The following RBFOX1 variants were observed in gnomAD, a reference collection of about 807,000 sequenced individuals.
The protein encoded by RBFOX1 is RNA binding protein fox-1 homolog 1.
A neutral mutation model predicts 57.7 loss-of-function variants in RBFOX1; 8 were observed. The ratio of observed to expected loss-of-function variants is 0.14; its 90% confidence interval spans 0.08 to 0.25. RBFOX1 has a LOEUF of 0.25. Ranked by LOEUF, RBFOX1 falls within the 10% of genes least tolerant of loss-of-function variation. The pLI is 1.00. For synonymous variants in RBFOX1, 326 were observed against 222.4 expected, an observed-to-expected ratio of 1.47 and a Z score of -4.15; for missense variants, 611 against 548.5, an observed-to-expected ratio of 1.11 and a Z score of -1.14.
intron 1 of RBFOX1, among the ~76,000 whole-genome samples, chr16:5,442,298 A>G (rs1014892014): frequency 6.6e-6 from 1 of 152,230 alleles, no homozygotes; most frequent in Non-Finnish European, 1.5e-5. Context: ...GCAGCAGCCC[A>G]TTCATGCGGA....
chr16:5,413,060 G>C (rs535528698), intron 1 of RBFOX1, among the ~76,000 whole-genome samples: 39 of 152,288 alleles, frequency 2.6e-4, no homozygotes, highest in African/African-American at 8.7e-4. Context: ...TGCCCTAGGG[G>C]GTGTGCAGAA....
intron 2 of RBFOX1, among the ~76,000 whole-genome samples, chr16:6,595,623 G>T (rs2097769659): frequency 6.6e-6 from 1 of 152,118 alleles, no homozygotes; most frequent in Admixed American, 6.5e-5. Context: ...AACATTTTGA[G>T]GAACTTCCAA....
At chr16:7,218,627 GC>G (rs1567756714) in intron 4 of RBFOX1, among the ~76,000 whole-genome samples, 1 of 79,224 alleles carries the variant, frequency 1.3e-5, no homozygotes, top group Admixed American at 1.6e-4. Flanking sequence ...GTGGGGGTTT[GC>G]TGTGTGTGTG....
At chr16:6,671,302 A>C (rs993180849) in intron 3 of RBFOX1, among the ~76,000 whole-genome samples, 1 of 152,196 alleles carries the variant, frequency 6.6e-6, no homozygotes, top group Non-Finnish European at 1.5e-5. Flanking sequence ...ATTAAAAATG[A>C]TGAATACACT....
At chr16:7,557,625 AAAAAAAAAAAAAAAAAAG>A (rs1302743274) in intron 5 of RBFOX1, among the ~76,000 whole-genome samples, 1 of 116,602 alleles carries the variant, frequency 8.6e-6, no homozygotes, top group African/African-American at 3.1e-5. Flanking sequence ...GTCTCAAAAA[AAAAAAAAAAAAAAAAAAG>A]AAAAAGAAAA....
rs893116808 is a variant in RBFOX1 at position 7,643,187 on chromosome 16, T to C, written c.758-10628T>C. Among the ~76,000 whole-genome samples, 13 of 152,324 alleles carry C rather than the reference T, an allele frequency of 8.5e-5. No homozygotes were observed. The East Asian group carries it at 2.1e-3, about 25-fold the overall frequency. ...AAGGACCTTACATGATCAAAGAATA[T>C]TCATGTGTGTGAATGGTGTGTGTGT... On this transcript the variant is annotated intron_variant, in intron 11 of 15. Coordinates refer to ENST00000550418, the MANE Select transcript of RBFOX1 (RefSeq NM_018723.4).
chr16:6,315,369 G>GATGGATGC (rs1383428324), intron 1 of RBFOX1, among the ~76,000 whole-genome samples: 1 of 151,746 alleles, frequency 6.6e-6, no homozygotes, highest in African/African-American at 2.4e-5. Context: ...TGGGTGGATG[G>GATGGATGC]ATGGATGGAT....
At chr16:6,678,195 T>C (rs1195382990) in intron 3 of RBFOX1, among the ~76,000 whole-genome samples, 1 of 152,210 alleles carries the variant, frequency 6.6e-6, no homozygotes, top group Non-Finnish European at 1.5e-5. Flanking sequence ...ACAATCTCGG[T>C]TCACTGCAGC....
intron 1 of RBFOX1, among the ~76,000 whole-genome samples, chr16:6,082,489 A>G (rs989774688): frequency 2.0e-5 from 3 of 148,840 alleles, no homozygotes; most frequent in Non-Finnish European, 4.4e-5. Context: ...TTTAGGCACT[A>G]TGCTTTTATT....
At chr16:5,845,346 G>C (rs1012216306) in intron 3 of RBFOX1, among the ~76,000 whole-genome samples, 2 of 152,164 alleles carry the variant, frequency 1.3e-5, no homozygotes, top group Non-Finnish European at 2.9e-5. Context: ...TTCCTCTCCA[G>C]CCTGTCTTGA....
rs532286000 is a variant in RBFOX1 at position 7,148,528 on chromosome 16, C to A, written c.27+96430C>A. ...CTGTATACATTTAACATATTAAGGC[C>A]GCAGTGCCGAGTTCCCTGAACAGAC... is the stretch of plus-strand genomic sequence containing the variant. On this transcript the variant is annotated intron_variant, in intron 4 of 15. Transcript: ENST00000550418. Among the ~76,000 whole-genome samples the A allele has an allele frequency of 1.2e-4, 18 of 152,318 alleles. 1 individual carries two copies. In the South Asian group the frequency reaches 3.7e-3, roughly 32 times the overall value.
intron 3 of RBFOX1, among the ~76,000 whole-genome samples, chr16:6,734,887 A>G (rs914745640): frequency 1.3e-5 from 2 of 152,188 alleles, no homozygotes; most frequent in Admixed American, 6.5e-5. Context: ...CGCCTAGTAA[A>G]GGTTATCAGA....
chr16:5,473,850 A>G lies in RBFOX1; in HGVS notation c.258+6596A>G, dbSNP rs930262988. ...GATGTAAGGGTGGGTGGATAGATGG[A>G]TGGAAGGTAGATGGATGGAAAGACA... On this transcript the variant is annotated intron_variant, in intron 2 of 2. Transcript: ENST00000585867. 2.1e-5 allele frequency among the ~76,000 whole-genome samples: 3 copies of G among 139,940 alleles called. No homozygotes were observed. In the Admixed American group the frequency reaches 2.3e-4, roughly 11 times the overall value. The allele number at this position is 139,940 out of a possible 152,430, so 91.8% of individuals were successfully genotyped here.
intron 4 of RBFOX1, among the ~76,000 whole-genome samples, chr16:7,221,122 T>C (rs1355270200): frequency 6.6e-6 from 1 of 152,120 alleles, no homozygotes; most frequent in African/African-American, 2.4e-5. Context: ...TGCTGCGTTT[T>C]ATGTGGTGGC....
chr16:6,448,473 C>T (rs530212140), intron 2 of RBFOX1, among the ~76,000 whole-genome samples: 1 of 152,236 alleles, frequency 6.6e-6, no homozygotes, highest in South Asian at 2.1e-4. Context: ...TTTTCAACCA[C>T]AGCAGTTTTG....
chr16:5,976,149 TA>T (rs1488153001), intron 4 of RBFOX1, among the ~76,000 whole-genome samples: 1 of 151,926 alleles, frequency 6.6e-6, no homozygotes, highest in African/African-American at 2.4e-5. Context: ...AATCTCAAAA[TA>T]AATTAATAAA....
chr16:5,522,029 C>T (rs898787122), intron 2 of RBFOX1, among the ~76,000 whole-genome samples: 1 of 152,162 alleles, frequency 6.6e-6, no homozygotes. Flanking sequence ...TTCCCAGCAC[C>T]CGGGATTCGA....
chr16:6,423,850 G>A (rs754289533), intron 2 of RBFOX1, among the ~76,000 whole-genome samples: 10 of 152,102 alleles, frequency 6.6e-5, no homozygotes, highest in Non-Finnish European at 8.8e-5. Flanking sequence ...CCAGATAAGA[G>A]ATCCACCCTG....
At chr16:6,450,648 T>A (rs1307186179) in intron 2 of RBFOX1, among the ~76,000 whole-genome samples, 1 of 147,740 alleles carries the variant, frequency 6.8e-6, no homozygotes, top group Non-Finnish European at 1.5e-5. Context: ...ACAAGATAGA[T>A]AAATAAATCT....
Sources: gnomAD v4.1 joint callset for allele counts (sites outside exome capture counted in the v4.1 genomes callset) on GRCh38, gnomAD v4.1.1 for gene constraint, MANE v1.5 for transcripts, NCBI Gene and HGNC (gene_info 2026-07-23, HGNC 2026-07-21) for gene names.